BNC2: variants seen among roughly 807,000 people sequenced by gnomAD.
The protein encoded by BNC2 is zinc finger protein basonuclin-2.
BNC2 carries 20 observed loss-of-function variants against 76.3 expected under a neutral mutation model. That is an observed-to-expected ratio of 0.26 (90% confidence interval 0.18 to 0.38). BNC2 has a LOEUF of 0.38. BNC2 is among the 10% of genes least tolerant of loss of function. The pLI is 1.00. For missense variants in BNC2, 1,382 were observed against 1,399.8 expected (o/e 0.99, Z 0.20); for synonymous variants, 582 against 514.8 (o/e 1.13, Z -1.77).
intron 1 of BNC2, among the ~76,000 whole-genome samples, chr9:16,743,072 T>C (rs1445507450): frequency 2.0e-5 from 3 of 152,326 alleles, no homozygotes; most frequent in Admixed American, 6.5e-5. Flanking sequence ...CTCATTTCTT[T>C]TCTCTTGTGT....
In BNC2 at chr9:16,503,411, C is replaced by CT. The variant is rs201509547; in HGVS notation, c.669+49118dup. 6.0e-3 allele frequency among the ~76,000 whole-genome samples: 901 copies of CT among 149,310 alleles called. 12 individuals are homozygous for CT. Among genetic ancestry groups the CT allele is most frequent in the African/African-American group, 0.022 (861 of 39,146 alleles). ...ATTCATGCCCTCACAATCCATCTAA[C>CT]TTTTTTTTTACTCATTTTTGTTTCC... On this transcript the variant is annotated intron_variant, in intron 5 of 6. Transcript: ENST00000380672.
intron 3 of BNC2, among the ~76,000 whole-genome samples, chr9:16,666,697 T>C (rs1358676373): frequency 6.6e-6 from 1 of 152,226 alleles, no homozygotes; most frequent in Non-Finnish European, 1.5e-5. Flanking sequence ...AGTTTAAACA[T>C]GGTATCTAAA....
intron 6 of BNC2, chr9:16,430,095 G>A: frequency 6.6e-6 from 3 of 453,102 alleles, no homozygotes; most frequent in South Asian, 4.7e-5. Flanking sequence ...CTCAGGAGGG[G>A]GATGTATTTT....
At chr9:16,660,611 A>G (rs1822084175) in intron 3 of BNC2, among the ~76,000 whole-genome samples, 1 of 152,204 alleles carries the variant, frequency 6.6e-6, no homozygotes, top group Non-Finnish European at 1.5e-5. Context: ...ATAGCAGAAA[A>G]AGAGAAAGGA....
At chr9:16,552,849 G>A in intron 4 of BNC2, 84 bp from the exon 5 acceptor site, 1 of 1,109,098 alleles carries the variant, frequency 9.0e-7, no homozygotes, top group Non-Finnish European at 1.4e-6. Context: ...AATATTGCTG[G>A]AAGTTACCAG....
intron 3 of BNC2, among the ~76,000 whole-genome samples, chr9:16,659,173 C>G (rs775557134): frequency 6.6e-6 from 1 of 151,796 alleles, no homozygotes; most frequent in Non-Finnish European, 1.5e-5. Context: ...AATGCACACA[C>G]GTGCACTGAC....
intron 1 of BNC2, among the ~76,000 whole-genome samples, chr9:16,775,250 T>C (rs1825933397): frequency 6.6e-6 from 1 of 152,172 alleles, no homozygotes; most frequent in South Asian, 2.1e-4. Context: ...ATGGCATCTT[T>C]TGAGATTTAT....
chr9:16,646,884 T>C (rs144322969), intron 3 of BNC2, among the ~76,000 whole-genome samples: 13 of 152,290 alleles, frequency 8.5e-5, no homozygotes, highest in Non-Finnish European at 1.5e-4. Flanking sequence ...TGGGATGTCA[T>C]CCATAGCTGA....
rs569763999 is a variant in BNC2 at position 16,736,279 on chromosome 9, C to T, written c.129+2081G>A. Among the ~76,000 whole-genome samples, 47 of 150,796 alleles carry T rather than the reference C, an allele frequency of 3.1e-4. No homozygotes were observed. The South Asian group carries it at 5.5e-3, about 18-fold the overall frequency. On this transcript the variant is annotated intron_variant, in intron 2 of 6. Coordinates refer to ENST00000380672, the MANE Select transcript of BNC2 (RefSeq NM_017637.6). ...TTGCAAGGCAGAGTTCAGTACCTTA[C>T]AAAATTATTGAGAAACTCAACACTG...
In BNC2 at chr9:16,437,333, C is replaced by G. The variant is rs1563783327; in HGVS notation, c.861G>C (p.Glu287Asp). Reference sequence around the variant, plus strand: ...TGGGACTCCTGGTGCGATTATTGCTCTCAATGAAAGTCCTTATATCTGAGT... The same window carrying G: ...TGGGACTCCTGGTGCGATTATTGCTGTCAATGAAAGTCCTTATATCTGAGT... ...KTDSDIRTFI[E>D]SNNRTRSPSL... Residue 287 changes from glutamate to aspartate, a missense_variant, in exon 6 of 7, where the codon GAG becomes GAC. Coordinates refer to ENST00000380672, the MANE Select transcript of BNC2 (RefSeq NM_017637.6). 6.2e-7 allele frequency: 1 copy of G among 1,614,140 alleles called. No homozygotes were observed.
chr9:16,533,255 G>A (rs994417743), intron 5 of BNC2, among the ~76,000 whole-genome samples: 2 of 152,026 alleles, frequency 1.3e-5, no homozygotes, highest in Admixed American at 6.6e-5. Context: ...TTTGTGTCTT[G>A]GACAGGAAAC....
chr9:16,429,988 T>C lies in BNC2; in HGVS notation c.2639+5567A>G. 4 of 514,576 alleles carry C rather than the reference T, an allele frequency of 7.8e-6. No homozygotes were observed. In the Middle Eastern group the frequency reaches 1.3e-3, roughly 164 times the overall value. The allele number at this position is 514,576 out of a possible 1,614,324, so 31.9% of individuals were successfully genotyped here. On this transcript the variant is annotated intron_variant, in intron 6 of 6. Transcript: ENST00000380672. The stretch of plus-strand genomic sequence containing the variant: ...AAGGAGACCGTTTTGCTCATTGCTC[T>C]TCTCCCAGTATCTAAAAAGAACCCC...
chr9:16,751,630 G>GTA (rs1563926879), intron 1 of BNC2, among the ~76,000 whole-genome samples: 9 of 51,642 alleles, frequency 1.7e-4, no homozygotes, highest in Non-Finnish European at 3.7e-4. Context: ...ATATATATAT[G>GTA]TATGTATATA....
intron 3 of BNC2, among the ~76,000 whole-genome samples, chr9:16,609,640 C>A (rs1010388184): frequency 6.6e-6 from 1 of 152,170 alleles, no homozygotes; most frequent in African/African-American, 2.4e-5. Context: ...GGTACCTGGA[C>A]AGCAGAATCC....
intron 3 of BNC2, among the ~76,000 whole-genome samples, chr9:16,707,525 G>A (rs1190692069): frequency 6.6e-6 from 1 of 152,180 alleles, no homozygotes; most frequent in African/African-American, 2.4e-5. Flanking sequence ...TGCAGTACAT[G>A]TAACCCTCTC....
chr9:16,489,903 G>A (rs1822239442), intron 5 of BNC2, among the ~76,000 whole-genome samples: 1 of 152,158 alleles, frequency 6.6e-6, no homozygotes, highest in Non-Finnish European at 1.5e-5. Context: ...TCGTGTATCT[G>A]CCACTGATTA....
chr9:16,777,840 A>G (rs1826012436), intron 1 of BNC2, among the ~76,000 whole-genome samples: 1 of 152,210 alleles, frequency 6.6e-6, no homozygotes, highest in Non-Finnish European at 1.5e-5. Context: ...AAGTGGTGAC[A>G]ATAAGTATGG....
At chr9:16,503,453 C>A (rs1822563036) in intron 5 of BNC2, among the ~76,000 whole-genome samples, 1 of 151,004 alleles carries the variant, frequency 6.6e-6, no homozygotes, top group East Asian at 1.9e-4. Flanking sequence ...ATTTTTTTTT[C>A]TAAATCAAAA....
At chr9:16,501,614 G>A (rs1822520428) in intron 5 of BNC2, among the ~76,000 whole-genome samples, 2 of 152,096 alleles carry the variant, frequency 1.3e-5, no homozygotes, top group African/African-American at 4.8e-5. Flanking sequence ...CCCACAGTCT[G>A]CATAACATAG....
Sources: gnomAD v4.1 joint callset for allele counts (sites outside exome capture counted in the v4.1 genomes callset) on GRCh38, gnomAD v4.1.1 for gene constraint, MANE v1.5 for transcripts, NCBI Gene and HGNC (gene_info 2026-07-23, HGNC 2026-07-21) for gene names.